The following DLC1 variants were observed in gnomAD, a reference collection of about 807,000 sequenced individuals.
DLC1 encodes DLC1 Rho GTPase activating protein, also known as rho GTPase-activating protein 7.
A neutral mutation model predicts 140.3 loss-of-function variants in DLC1; 54 were observed. The observed-to-expected ratio is 0.38, with a 90% confidence interval of 0.31 to 0.48. The LOEUF is 0.48. Among genes scored for constraint, DLC1 ranks in the 20% least tolerant of loss-of-function variants. The pLI is 0.96. For synonymous variants in DLC1, 986 were observed against 728.1 expected, an observed-to-expected ratio of 1.35 and a Z score of -5.70; for missense variants, 2,536 against 1,907.0, an observed-to-expected ratio of 1.33 and a Z score of -6.14.
chr8:13,150,631 C>G (rs1027101752), intron 5 of DLC1, among the ~76,000 whole-genome samples: 1 of 152,202 alleles, frequency 6.6e-6, no homozygotes. Context: ...GAAACCAGGC[C>G]TCTGGCTATG....
intron 1 of DLC1, among the ~76,000 whole-genome samples, chr8:13,527,087 G>T (rs1802942432): frequency 6.6e-6 from 1 of 152,182 alleles, no homozygotes; most frequent in Non-Finnish European, 1.5e-5. Flanking sequence ...TATTGTACGT[G>T]AATAGGCAGT....
intron 2 of DLC1, among the ~76,000 whole-genome samples, chr8:13,477,696 T>C (rs1800499318): frequency 6.6e-6 from 1 of 152,140 alleles, no homozygotes; most frequent in Non-Finnish European, 1.5e-5. Flanking sequence ...ATATCACTTC[T>C]ACATGCTGAG....
intron 5 of DLC1, among the ~76,000 whole-genome samples, chr8:13,286,436 C>A: frequency 6.6e-6 from 1 of 151,878 alleles, no homozygotes; most frequent in African/African-American, 2.4e-5. Context: ...TTAATGGTTT[C>A]ATGAAAGGGT....
chr8:13,319,889 C>G (rs1166290765), intron 4 of DLC1, among the ~76,000 whole-genome samples: 2 of 120,798 alleles, frequency 1.7e-5, no homozygotes, highest in Admixed American at 2.4e-4. Context: ...CTGGTGTAAT[C>G]TTGGTTCACT....
At chr8:13,106,826 TAGA>T (rs1819604333) in intron 7 of DLC1, among the ~76,000 whole-genome samples, 2 of 152,248 alleles carry the variant, frequency 1.3e-5, no homozygotes, top group South Asian at 4.1e-4. Flanking sequence ...GCTGTGTTTA[TAGA>T]AGGAGTCATT....
intron 2 of DLC1, among the ~76,000 whole-genome samples, chr8:13,408,839 A>C (rs1837671954): frequency 1.3e-5 from 2 of 152,094 alleles, no homozygotes; most frequent in Admixed American, 1.3e-4. Context: ...GCTTTGGCTC[A>C]GGTCTTAAAG....
intron 1 of DLC1, among the ~76,000 whole-genome samples, chr8:13,532,623 T>A (rs73559548): frequency 0.046 from 7,048 of 152,230 alleles, 233 homozygotes; most frequent in South Asian, 0.079. Flanking sequence ...ATTCTCACTC[T>A]ACCATAAGGC....
At chr8:13,446,818 T>C (rs939655549) in intron 2 of DLC1, among the ~76,000 whole-genome samples, 4 of 152,070 alleles carry the variant, frequency 2.6e-5, no homozygotes, top group African/African-American at 9.7e-5. Context: ...GGTGGGTGCC[T>C]GTAAACCCAG....
At chr8:13,393,531 T>G in intron 4 of DLC1, 22 bp downstream of exon 4, 1 of 1,608,070 alleles carries the variant, frequency 6.2e-7, no homozygotes, top group Non-Finnish European at 8.5e-7. Flanking sequence ...GTAGAGACTC[T>G]CTGTTATTAT....
intron 5 of DLC1, among the ~76,000 whole-genome samples, chr8:13,176,747 G>A (rs1052709996): frequency 4.6e-5 from 7 of 152,280 alleles, no homozygotes; most frequent in South Asian, 2.1e-4. Flanking sequence ...GAAGGTAGCA[G>A]ATAGAATTAA....
Position 13,244,917 on chromosome 8 carries a change from A to G in DLC1, c.1348+60352T>C, listed in dbSNP as rs570098781. On this transcript the variant is annotated intron_variant, in intron 5 of 17. Transcript: ENST00000276297. ...AAGAAGGAAGACGGTTGCTTATACT[A>G]TGCCAACATTTTGTTGTTCTTGTTT... Among the ~76,000 whole-genome samples the G allele has an allele frequency of 2.0e-5, 3 of 152,342 alleles. No homozygotes were observed. In the South Asian group the frequency reaches 6.2e-4, roughly 32 times the overall value.
chr8:13,326,288 C>T (rs1833343840), intron 4 of DLC1, among the ~76,000 whole-genome samples: 1 of 152,170 alleles, frequency 6.6e-6, no homozygotes, highest in Non-Finnish European at 1.5e-5. Flanking sequence ...ATAAGAGGAT[C>T]TAGCTTTTTA....
At chr8:13,588,946 G>A (rs1372266407) in intron 1 of DLC1, among the ~76,000 whole-genome samples, 2 of 152,092 alleles carry the variant, frequency 1.3e-5, no homozygotes, top group African/African-American at 4.8e-5. Flanking sequence ...GCAGTCAAAT[G>A]GGTGACAGAT....
intron 4 of DLC1, among the ~76,000 whole-genome samples, chr8:13,333,722 T>G (rs1196064875): frequency 6.6e-6 from 1 of 152,194 alleles, no homozygotes; most frequent in African/African-American, 2.4e-5. Context: ...TAACTCAAAC[T>G]AAATGGGTTC....
At chr8:13,425,151 G>A (rs1838501380) in intron 2 of DLC1, among the ~76,000 whole-genome samples, 1 of 151,668 alleles carries the variant, frequency 6.6e-6, no homozygotes, top group Non-Finnish European at 1.5e-5. Context: ...TTATCTCTCA[G>A]GGAAATATGC....
intron 5 of DLC1, among the ~76,000 whole-genome samples, chr8:13,259,749 T>C (rs1345216660): frequency 1.3e-5 from 2 of 152,008 alleles, no homozygotes; most frequent in Non-Finnish European, 2.9e-5. Flanking sequence ...ACAACACTGG[T>C]AGCTATGAGG....
intron 4 of DLC1, among the ~76,000 whole-genome samples, chr8:13,323,714 A>T (rs1833222096): frequency 2.6e-5 from 4 of 152,210 alleles, no homozygotes; most frequent in Admixed American, 2.6e-4. Context: ...TTATATATAC[A>T]TAGAGATAAG....
At position 13,286,729 on chromosome 8, in the gene DLC1, GA is replaced by G. The variant is rs988288934; in HGVS notation, c.1348+18539del. Among the ~76,000 whole-genome samples the G allele has an allele frequency of 8.9e-3, 894 of 100,938 alleles. 2 individuals carry two copies. The highest frequency in any genetic ancestry group is 0.011 in the South Asian group (37 of 3,218). The allele number at this position is 100,938 out of a possible 152,430, so 66.2% of individuals were successfully genotyped here. A position where few individuals can be genotyped will look rare whatever the true frequency, so the allele number is the denominator to read the frequency against. ...CTATTTTGAAATAGGAAAAAAAATA[GA>G]AAAAAAAAAAAACACATGAAAAAAG... On this transcript the variant is annotated intron_variant, in intron 5 of 17. Transcript: ENST00000276297.
At chr8:13,489,030 C>G (rs564313427) in intron 2 of DLC1, among the ~76,000 whole-genome samples, 1 of 152,230 alleles carries the variant, frequency 6.6e-6, no homozygotes, top group East Asian at 1.9e-4. Context: ...TCACTGCAAC[C>G]TCTGCCTCCT....
Sources: allele counts gnomAD v4.1 joint callset (sites outside exome capture counted in the v4.1 genomes callset), GRCh38; gene constraint gnomAD v4.1.1; transcripts MANE v1.5; gene names NCBI Gene and HGNC (gene_info 2026-07-23, HGNC 2026-07-21).